The following LRP2 variants were observed in gnomAD, a reference collection of about 807,000 sequenced individuals.
LRP2 encodes the protein LDL receptor related protein 2.
LRP2 carries 172 observed loss-of-function variants against 531.0 expected under a neutral mutation model. The observed-to-expected ratio is 0.32, with a 90% CI of 0.29 to 0.37. The LOEUF (loss-of-function observed/expected upper bound fraction) is 0.37. Among genes scored for constraint, LRP2 ranks in the 10% least tolerant of loss-of-function variants. The pLI is 1.00. For missense variants in LRP2, 5,167 were observed against 5,868.3 expected (o/e 0.88, Z 3.90); for synonymous variants, 1,992 against 2,027.6 (o/e 0.98, Z 0.47).
At position 169,266,954 on chromosome 2, in the gene LRP2, C is replaced by A. The variant is rs192568090; in HGVS notation, c.2320+3950G>T. On this transcript the variant is annotated intron_variant, in intron 16 of 78. Coordinates refer to ENST00000649046, the MANE Select transcript of LRP2 (RefSeq NM_004525.3). ...CCAAGCTGGAGTGCAGTGGTATGGT[C>A]ATAGCTCACTGCAACCTGGATCTCC... Among the ~76,000 whole-genome samples, 888 of 141,534 alleles carry A rather than the reference C, an allele frequency of 6.3e-3. 8 individuals carry two copies. The highest frequency in any genetic ancestry group is 0.011 in the Non-Finnish European group (733 of 66,900). 92.9% of individuals were successfully genotyped at this position (141,534 alleles called of 152,430 possible).
At chr2:169,312,952 T>C (rs1316521380) in intron 3 of LRP2, among the ~76,000 whole-genome samples, 1 of 152,238 alleles carries the variant, frequency 6.6e-6, no homozygotes, top group East Asian at 1.9e-4. Context: ...TTTCATTCAT[T>C]TGATCTTCAA....
chr2:169,135,285 T>A (rs539832059), intron 76 of LRP2, among the ~76,000 whole-genome samples: 4 of 151,820 alleles, frequency 2.6e-5, no homozygotes, highest in Admixed American at 6.6e-5. Context: ...AAGCTCGGGG[T>A]TTTTCCCCCG....
chr2:169,152,944 G>C lies in LRP2; in HGVS notation c.12316C>G (p.Arg4106Gly). ...GCACCAAACCTAGAGCCCTCCCCTC[G>C]CACAGTGTAATACACAACACCTACA... ...IGLSVVYYTV[R>G]GEGSRFGAIK... Residue 4106 changes from arginine (R) to glycine (G), a missense_variant, in exon 67 of 79, where the codon CGA becomes GGA. Physicochemically the swap from Arg to Gly is moderately radical, Grantham distance 125. This residue lies in a region of LRP2 where 564 missense variants were observed against 747.7 expected (regional missense o/e 0.75). Coordinates refer to ENST00000649046, the MANE Select transcript of LRP2 (RefSeq NM_004525.3). The C allele has an allele frequency of 6.2e-7, 1 of 1,613,848 alleles. No individual in the cohort carries two copies. Among genetic ancestry groups the C allele is most frequent in the South Asian group, 1.1e-5 (1 of 91,062 alleles).
rs145148062 is a variant in LRP2 at position 169,259,562 on chromosome 2, C to T, written c.2321-345G>A. ...CTGAAGAAGAGATACCTGAGTTCAC[C>T]TACTACCACCCGGAGACGGCTCTGA... On this transcript the variant is annotated intron_variant, in intron 16 of 78. Transcript: ENST00000649046. Among the ~76,000 whole-genome samples, 241 of 151,970 alleles carry T rather than the reference C, an allele frequency of 1.6e-3. 1 individual carries two copies. The highest frequency in any genetic ancestry group is 5.7e-3 in the African/African-American group (235 of 41,484).
At chr2:169,337,757 T>C (rs1685444109) in intron 1 of LRP2, among the ~76,000 whole-genome samples, 1 of 152,204 alleles carries the variant, frequency 6.6e-6, no homozygotes, top group South Asian at 2.1e-4. Flanking sequence ...TGCATGCATG[T>C]ACATCTACAT....
intron 1 of LRP2, among the ~76,000 whole-genome samples, chr2:169,330,263 C>T (rs759026517): frequency 6.6e-6 from 1 of 152,198 alleles, no homozygotes. Context: ...ATCCAGTCAG[C>T]TCTCAAGATA....
intron 16 of LRP2, among the ~76,000 whole-genome samples, chr2:169,264,291 C>T (rs1255952693): frequency 6.6e-6 from 1 of 151,758 alleles, no homozygotes; most frequent in East Asian, 1.9e-4. Context: ...AGGTAGGTTG[C>T]TCAGCATACG....
chr2:169,295,439 G>T (rs1684110612), intron 4 of LRP2, among the ~76,000 whole-genome samples: 1 of 152,192 alleles, frequency 6.6e-6, no homozygotes, highest in African/African-American at 2.4e-5. Flanking sequence ...CACTGGACCT[G>T]GTTTTCTAGG....
At chr2:169,287,582 G>T (rs897819201) in intron 9 of LRP2, among the ~76,000 whole-genome samples, 8 of 151,856 alleles carry the variant, frequency 5.3e-5, no homozygotes, top group African/African-American at 1.9e-4. Context: ...AGTTTAATTT[G>T]CAAACCAGAG....
chr2:169,185,533 G>A lies in LRP2; in HGVS notation c.9815C>T (p.Ala3272Val). The change falls in exon 50 of 79, where the codon GCA becomes GTA. Residue 3272 changes from alanine to valine, a missense_variant. By Grantham distance (64) the Ala-to-Val change is moderately conservative. Transcript: ENST00000649046. ...AACCCAGTCTACAGCCAGACTTTCT[G>A]CAGCTGGTAGTCTGTGGTTTATGAT... ...ETIINHRLPAAESLAVDWVSR... is the reference protein window; with the variant it reads ...ETIINHRLPAVESLAVDWVSR... 1.2e-6 allele frequency: 2 copies of A among 1,613,652 alleles called. No homozygotes were observed. Among genetic ancestry groups the A allele is most frequent in the Non-Finnish European group, 1.7e-6 (2 of 1,179,990 alleles).
At chr2:169,351,525 A>C (rs1990842) in intron 1 of LRP2, among the ~76,000 whole-genome samples, 44,527 of 152,032 alleles carry the variant, frequency 0.29, 6,818 homozygotes, top group East Asian at 0.46. Flanking sequence ...AAGATATAAG[A>C]CGAAGTTCAA....
At chr2:169,319,190 T>C (rs1684846863) in intron 2 of LRP2, among the ~76,000 whole-genome samples, 1 of 152,216 alleles carries the variant, frequency 6.6e-6, no homozygotes, top group Non-Finnish European at 1.5e-5. Flanking sequence ...TTCATTCAAG[T>C]AAACATTAAC....
chr2:169,209,463 A>G lies in LRP2; in HGVS notation c.6459T>C (p.Asp2153=). Residue 2153 remains aspartate, a synonymous_variant, in exon 38 of 79, where the codon GAT becomes GAC. Coordinates refer to ENST00000649046, the MANE Select transcript of LRP2 (RefSeq NM_004525.3). ...GENGVRGIAV[D]WVAGNLYFTN... is the part of the protein sequence containing the mutation. ...ATATAGCTTACATACCTGCTACCCA[A>G]TCCACTGCAATACCCCGGACTCCAT... 4 of 1,613,974 alleles carry G rather than the reference A, an allele frequency of 2.5e-6. No individual in the cohort carries two copies. The Admixed American group carries it at 6.7e-5, about 27-fold the overall frequency.
intron 52 of LRP2, among the ~76,000 whole-genome samples, chr2:169,180,079 A>T (rs1466221101): frequency 6.6e-6 from 1 of 152,170 alleles, no homozygotes; most frequent in African/African-American, 2.4e-5. Context: ...TTCATCTCTA[A>T]TGCTCCTGGA....
chr2:169,327,249 G>A (rs1488994321), intron 1 of LRP2, among the ~76,000 whole-genome samples: 2 of 49,322 alleles, frequency 4.1e-5, no homozygotes, highest in East Asian at 9.9e-4. Context: ...TCAGCCCCAC[G>A]TCCGGGAGGG....
chr2:169,310,041 T>C lies in LRP2; in HGVS notation c.311-2644A>G, dbSNP rs954214142. Among the ~76,000 whole-genome samples the C allele has an allele frequency of 4.6e-5, 7 of 152,302 alleles. No individual in the cohort carries two copies. The South Asian group carries it at 6.2e-4, about 14-fold the overall frequency. On this transcript the variant is annotated intron_variant, in intron 3 of 78. Transcript: ENST00000649046. Reference sequence around the variant, plus strand: ...TCTCTGTTTGTCTGTTATTGGTATATAGGAATGCTTGTGATTTTTGCACAT... The same window carrying C: ...TCTCTGTTTGTCTGTTATTGGTATACAGGAATGCTTGTGATTTTTGCACAT...
intron 37 of LRP2, among the ~76,000 whole-genome samples, chr2:169,211,564 A>C (rs538105664): frequency 2.6e-5 from 4 of 152,334 alleles, no homozygotes; most frequent in Admixed American, 2.0e-4. Context: ...ATAATCAGAA[A>C]TAGGGCACAG....
At chr2:169,148,252 G>A (rs1210954391) in intron 68 of LRP2, among the ~76,000 whole-genome samples, 1 of 152,182 alleles carries the variant, frequency 6.6e-6, no homozygotes, top group Non-Finnish European at 1.5e-5. Flanking sequence ...TGTAGGAAAT[G>A]TCCAGAATAG....
chr2:169,230,523 G>A (rs754313960), intron 31 of LRP2, among the ~76,000 whole-genome samples: 11 of 152,026 alleles, frequency 7.2e-5, no homozygotes, highest in Non-Finnish European at 1.6e-4. Context: ...TTCTAGATTA[G>A]GACTCTATTA....
Sources: allele counts gnomAD v4.1 joint callset (sites outside exome capture counted in the v4.1 genomes callset), GRCh38; gene constraint gnomAD v4.1.1; regional missense constraint gnomAD v4.1.1; transcripts MANE v1.5; gene names NCBI Gene and HGNC (gene_info 2026-07-23, HGNC 2026-07-21).